Variants in NPHP4 observed in about 807,000 individuals in gnomAD.
NPHP4 encodes the protein nephrocystin 4, also known as nephrocystin-4.
In NPHP4, 151 loss-of-function variants were observed where a neutral mutation model predicts 155.8. The observed-to-expected ratio is 0.97, with a 90% CI of 0.85 to 1.11. The LOEUF is 1.11. Among genes scored for constraint, NPHP4 ranks in the 50% least tolerant of loss-of-function variants. NPHP4 has a pLI of 0.00. For synonymous variants in NPHP4, 845 were observed against 816.8 expected, an observed-to-expected ratio of 1.03 and a Z score of -0.59; for missense variants, 1,956 against 1,925.7, an observed-to-expected ratio of 1.02 and a Z score of -0.29.
intron 11 of NPHP4, among the ~76,000 whole-genome samples, chr1:5,925,519 T>C (rs1339378118): frequency 2.0e-5 from 3 of 152,224 alleles, no homozygotes; most frequent in African/African-American, 2.4e-5. Flanking sequence ...CAAAGGTTGA[T>C]AGGTATTTTA....
At chr1:5,894,435 G>A (rs1644293702) in intron 16 of NPHP4, among the ~76,000 whole-genome samples, 2 of 146,038 alleles carry the variant, frequency 1.4e-5, no homozygotes, top group South Asian at 2.1e-4. Context: ...GGGCTACAGA[G>A]CAAGACCCAG....
rs1355741000 is a variant in NPHP4, at chr1:5,944,912, G to T, written c.1119+2192C>A. Among the ~76,000 whole-genome samples, 1 of 152,174 alleles carries T rather than the reference G, an allele frequency of 6.6e-6. No homozygotes were observed. Among genetic ancestry groups the T allele is most frequent in the African/African-American group, 2.4e-5 (1 of 41,438 alleles). ...TTGAACCCAGGAGGCGGAGGTTGCA[G>T]TGAGCCGAGATCGCGCCACTGAGGG... On this transcript the variant is annotated intron_variant, in intron 9 of 29. Coordinates refer to ENST00000378156, the MANE Select transcript of NPHP4 (RefSeq NM_015102.5). The surrounding 1 kb of genome is among the most constrained non-coding windows in gnomAD (Gnocchi z 4.3).
rs1225146562 is a variant in NPHP4 at position 5,969,871 on chromosome 1, T to G, written c.280-612A>C. 2.6e-5 allele frequency among the ~76,000 whole-genome samples: 4 copies of G among 152,178 alleles called. No homozygotes were observed. In the South Asian group the frequency reaches 6.2e-4, roughly 24 times the overall value. ...AATTTCTTTAGGTGCTAAGTAATTA[T>G]CCCCGGTTCAGAGCCCAAAAGACTA... On this transcript the variant is annotated intron_variant, in intron 3 of 29. Coordinates refer to ENST00000378156, the MANE Select transcript of NPHP4 (RefSeq NM_015102.5).
chr1:5,902,876 T>C (rs1398032727), intron 16 of NPHP4, among the ~76,000 whole-genome samples: 2 of 152,166 alleles, frequency 1.3e-5, no homozygotes, highest in Non-Finnish European at 2.9e-5. Flanking sequence ...ATTAAAAAAA[T>C]AAAAGCAGTT....
At chr1:5,964,939 A>T (rs55639609) in intron 5 of NPHP4, among the ~76,000 whole-genome samples, 27,388 of 61,794 alleles carry the variant, frequency 0.44, 5,721 homozygotes, top group East Asian at 0.67. Context: ...ATATATATAT[A>T]TATTTTTTTT....
At chr1:5,898,818 T>G (rs1293869266) in intron 16 of NPHP4, among the ~76,000 whole-genome samples, 1 of 151,896 alleles carries the variant, frequency 6.6e-6, no homozygotes, top group Admixed American at 6.6e-5. Context: ...ACGGAAAGAA[T>G]GCCTATCAAT....
chr1:5,878,132 T>C (rs1642813854), intron 19 of NPHP4, among the ~76,000 whole-genome samples: 1 of 152,198 alleles, frequency 6.6e-6, no homozygotes, highest in Non-Finnish European at 1.5e-5. Flanking sequence ...CCTCACTCTC[T>C]GGCACCAGCA....
At chr1:5,947,260 T>G (rs1367735605) in intron 8 of NPHP4, 30 bp from the exon 9 acceptor site, 2 of 1,609,556 alleles carry the variant, frequency 1.2e-6, no homozygotes, top group Non-Finnish European at 1.7e-6. Flanking sequence ...CAGGGACACA[T>G]TAGAGCTCGA....
chr1:5,981,783 A>G (rs1377496562), intron 2 of NPHP4, among the ~76,000 whole-genome samples: 2 of 152,228 alleles, frequency 1.3e-5, no homozygotes, highest in African/African-American at 4.8e-5. Context: ...TTCCTGCAGT[A>G]AGCCCCACTT....
At chr1:5,991,832 T>A (rs1280411004) in intron 1 of NPHP4, among the ~76,000 whole-genome samples, 1 of 150,298 alleles carries the variant, frequency 6.7e-6, no homozygotes, top group Non-Finnish European at 1.5e-5. Context: ...GACTCCGGCC[T>A]GGGAAGGATG....
At chr1:5,869,245 A>ACCCACATG (rs1557600881) in intron 23 of NPHP4, among the ~76,000 whole-genome samples, 4 of 109,780 alleles carry the variant, frequency 3.6e-5, no homozygotes, top group Non-Finnish European at 6.3e-5. Context: ...ACACACACAC[A>ACCCACATG]CACACACATG....
intron 2 of NPHP4, among the ~76,000 whole-genome samples, chr1:5,984,209 C>A (rs1655134407): frequency 1.3e-5 from 2 of 152,084 alleles, no homozygotes; most frequent in South Asian, 2.1e-4. Flanking sequence ...CATGAATGAT[C>A]GATAAGACAT....
At chr1:5,868,687 C>A (rs994755519) in intron 23 of NPHP4, among the ~76,000 whole-genome samples, 3 of 147,300 alleles carry the variant, frequency 2.0e-5, no homozygotes, top group Admixed American at 1.4e-4. Context: ...CATGCATGTA[C>A]ACATATACAT....
chr1:5,927,367 C>A (rs556956107), intron 11 of NPHP4, among the ~76,000 whole-genome samples: 1 of 152,320 alleles, frequency 6.6e-6, no homozygotes, highest in South Asian at 2.1e-4. Flanking sequence ...ATTTGCAGGG[C>A]ATCCATGTGA....
chr1:5,952,706 G>T lies in NPHP4; in HGVS notation c.804C>A (p.Phe268Leu). 6.4e-7 allele frequency: 1 copy of T among 1,553,590 alleles called. No homozygotes were observed. The change falls in exon 7 of 30, where the codon TTC becomes TTA. Residue 268 changes from phenylalanine (F) to leucine (L), a missense_variant. Physicochemically the swap from Phe to Leu is conservative, Grantham distance 22. Coordinates refer to ENST00000378156, the MANE Select transcript of NPHP4 (RefSeq NM_015102.5). ...ELLELHVQDH[F>L]QEGCGPLDGG... ...CACGCTTCTGACTCCACACCTCCTG[G>T]AAGTGGTCCTGGACGTGGAGCTCCA...
At chr1:5,986,465 G>A in intron 1 of NPHP4, 138 bp from the exon 2 acceptor site, 1 of 662,038 alleles carries the variant, frequency 1.5e-6, no homozygotes. Context: ...CCCCAGAAGA[G>A]TGGACTTTGT....
intron 5 of NPHP4, among the ~76,000 whole-genome samples, chr1:5,962,910 A>C (rs1650624392): frequency 6.6e-6 from 1 of 152,120 alleles, no homozygotes; most frequent in African/African-American, 2.4e-5. Context: ...CCAAACGGCC[A>C]ATCTTGCTCG....
intron 12 of NPHP4, among the ~76,000 whole-genome samples, chr1:5,908,945 C>A (rs555057096): frequency 1.2e-4 from 19 of 152,302 alleles, no homozygotes; most frequent in African/African-American, 4.1e-4. Context: ...AGCAGCAGCC[C>A]CACTAAAAGC....
intron 23 of NPHP4, among the ~76,000 whole-genome samples, chr1:5,871,004 GC>G (rs1261177656): frequency 6.6e-6 from 1 of 152,234 alleles, no homozygotes; most frequent in Non-Finnish European, 1.5e-5. Flanking sequence ...AATTTTCATG[GC>G]TCTCCTTTGA....
Sources: allele counts gnomAD v4.1 joint callset (sites outside exome capture counted in the v4.1 genomes callset), GRCh38; gene constraint gnomAD v4.1.1; non-coding constraint Gnocchi (gnomAD v3.1); transcripts MANE v1.5; gene names NCBI Gene and HGNC (gene_info 2026-07-23, HGNC 2026-07-21).